CIP2A: variants seen among roughly 807,000 people sequenced by gnomAD.
The protein encoded by CIP2A is cellular inhibitor of PP2A.
CIP2A carries 103 observed loss-of-function variants against 110.9 expected under a neutral mutation model. The ratio of observed to expected loss-of-function variants is 0.93; its 90% CI spans 0.79 to 1.09. The LOEUF (loss-of-function observed/expected upper bound fraction) is 1.09. CIP2A is among the 50% of genes least tolerant of loss of function. The pLI, the probability that CIP2A is intolerant of heterozygous loss-of-function variation, is 0.00. For synonymous variants in CIP2A, 381 were observed against 361.6 expected (o/e 1.05, Z -0.61); for missense variants, 1,088 against 1,038.4 (o/e 1.05, Z -0.66).
Position 108,568,169 on chromosome 3 carries a change from A to G in CIP2A, c.1259T>C (p.Ile420Thr), listed in dbSNP as rs1330561841. Residue 420 changes from isoleucine (I) to threonine (T), a missense_variant, in exon 10 of 21, where the codon ATT (isoleucine) becomes ACT (threonine). By Grantham distance (89) the Ile-to-Thr change is moderately conservative. Coordinates refer to ENST00000295746, the MANE Select transcript of CIP2A (RefSeq NM_020890.3). ...GTAAAGGATATTTAACAAAACTTCA[A>G]TGGCCTTGGCAATCCTTTCACATTT... ...RKKCERIAKA[I>T]EVLLTLCGDD... 6 of 1,611,786 alleles carry G rather than the reference A, an allele frequency of 3.7e-6. No individual in the cohort carries two copies. The Admixed American group carries it at 6.7e-5, about 18-fold the overall frequency.
intron 8 of CIP2A, chr3:108,574,795 A>C (rs1184125963): frequency 6.5e-6 from 1 of 154,146 alleles, no homozygotes; most frequent in Non-Finnish European, 1.5e-5. Context: ...CCCCCAGGGC[A>C]CCGTGACCAG....
intron 17 of CIP2A, among the ~76,000 whole-genome samples, chr3:108,556,410 A>G (rs1652887465): frequency 6.6e-6 from 1 of 152,174 alleles, no homozygotes; most frequent in Non-Finnish European, 1.5e-5. Context: ...GCCTAAAAAG[A>G]TAAAAGAGTT....
intron 19 of CIP2A, among the ~76,000 whole-genome samples, chr3:108,553,040 G>GCAC (rs1183443680): frequency 6.7e-6 from 1 of 149,730 alleles, no homozygotes; most frequent in Admixed American, 6.7e-5. Flanking sequence ...TAACAGACCT[G>GCAC]CACACATGCC....
rs779212663 is a variant in CIP2A at position 108,560,053 on chromosome 3, T to C, written c.1828-25A>G. Reference sequence around the variant, plus strand: ...CCTACATTTTAAGAGTAAAAAAACTTAAAATTTTAATAAAATATTTTGACA... The same window carrying C: ...CCTACATTTTAAGAGTAAAAAAACTCAAAATTTTAATAAAATATTTTGACA... On this transcript the variant is annotated intron_variant, in intron 14 of 20. Transcript: ENST00000295746. 1.3e-4 allele frequency: 172 copies of C among 1,341,724 alleles called. No homozygotes were observed. In the Middle Eastern group the frequency reaches 1.3e-3, roughly 10 times the overall value. The allele number at this position is 1,341,724 out of a possible 1,614,324, so 83.1% of individuals were successfully genotyped here. A position where few individuals can be genotyped will look rare whatever the true frequency, so the allele number is the denominator to read the frequency against.
At chr3:108,573,430 A>G (rs1471485909) in intron 8 of CIP2A, among the ~76,000 whole-genome samples, 2 of 151,754 alleles carry the variant, frequency 1.3e-5, no homozygotes, top group African/African-American at 4.8e-5. Flanking sequence ...TACTTTAAAA[A>G]ATTAAGTTTT....
chr3:108,579,723 T>A, intron 5 of CIP2A, 35 bp from the exon 6 acceptor site: 1 of 1,368,632 alleles, frequency 7.3e-7, no homozygotes, highest in Non-Finnish European at 9.9e-7. Flanking sequence ...AAATTAGAAT[T>A]ATAAATTTTA....
At chr3:108,569,690 C>T (rs1241677913) in intron 8 of CIP2A, 83 bp from the exon 9 acceptor site, 4 of 1,010,948 alleles carry the variant, frequency 4.0e-6, no homozygotes, top group Admixed American at 2.4e-5. Flanking sequence ...GCTGAAAATG[C>T]TACATATTTT....
At chr3:108,575,799 CGT>C (rs1321491646) in intron 8 of CIP2A, among the ~76,000 whole-genome samples, 465 of 42,056 alleles carry the variant, frequency 0.011, 133 homozygotes, top group Non-Finnish European at 0.022. Flanking sequence ...TGTATATATA[CGT>C]GTATATATAC....
chr3:108,551,347 A>C, intron 20 of CIP2A, 28 bp from the exon 21 acceptor site: 1 of 1,515,326 alleles, frequency 6.6e-7, no homozygotes, highest in Non-Finnish European at 8.9e-7. Flanking sequence ...GGGGAGGAGG[A>C]AGAATTGAGA....
Position 108,569,463 on chromosome 3 carries a change from A to G in CIP2A, c.1039T>C (p.Trp347Arg). The stretch of plus-strand genomic sequence containing the variant: ...GATCCGTCCAAAGGTTGGCTTAACC[A>G]GCGCAGTAGAGCCACAGTAGGTTCT... ...CLEPTVALLR[W>R]LSQPLDGSEN... The change falls in exon 9 of 21, where the codon TGG (tryptophan) becomes CGG (arginine). Residue 347 changes from tryptophan (W) to arginine (R), a missense_variant. Transcript: ENST00000295746. The G allele has an allele frequency of 6.2e-7, 1 of 1,612,866 alleles. No homozygotes were observed. The highest frequency in any genetic ancestry group is 1.1e-5 in the South Asian group (1 of 91,054).
chr3:108,558,869 T>G (rs1937902142), intron 16 of CIP2A, among the ~76,000 whole-genome samples: 1 of 152,132 alleles, frequency 6.6e-6, no homozygotes, highest in African/African-American at 2.4e-5. Flanking sequence ...ATGAAAGATG[T>G]GGATTGAGGC....
chr3:108,570,903 A>G (rs1938382478), intron 8 of CIP2A, among the ~76,000 whole-genome samples: 1 of 152,188 alleles, frequency 6.6e-6, no homozygotes, highest in Non-Finnish European at 1.5e-5. Flanking sequence ...AGTAAGAGAA[A>G]CACACTGTAC....
intron 17 of CIP2A, 24 bp downstream of exon 17, chr3:108,557,194 C>A (rs1318507622): frequency 2.0e-6 from 3 of 1,472,240 alleles, no homozygotes; most frequent in Non-Finnish European, 2.8e-6. Flanking sequence ...TCTAACCTTA[C>A]ACAGAAGATT....
In CIP2A at chr3:108,563,238, G is replaced by A. The variant is rs754404518; in HGVS notation, c.1522C>T (p.Arg508Cys). The A allele has an allele frequency of 1.1e-5, 18 of 1,599,608 alleles. No individual in the cohort carries two copies. The highest frequency in any genetic ancestry group is 7.7e-5 in the South Asian group (7 of 90,670). Residue 508 changes from arginine to cysteine, a missense_variant, in exon 13 of 21, where the codon CGT becomes TGT. By Grantham distance (180) the Arg-to-Cys change is radical. Transcript: ENST00000295746. ...GCAAAAGCCAAAGGAGTAATCAAAC[G>A]TGGGTCCTAAATAAATCAGAAACCA... The part of the protein sequence containing the change: ...VSFYKILQDP[R>C]LITPLAFALT...
At chr3:108,555,217 G>GT (rs1372163310) in intron 17 of CIP2A, among the ~76,000 whole-genome samples, 1 of 152,094 alleles carries the variant, frequency 6.6e-6, no homozygotes, top group Non-Finnish European at 1.5e-5. Context: ...TAGAAACCAC[G>GT]TATTTTTCTT....
intron 5 of CIP2A, among the ~76,000 whole-genome samples, chr3:108,581,067 G>C (rs139868542): frequency 1.3e-5 from 2 of 152,336 alleles, no homozygotes; most frequent in East Asian, 1.9e-4. Flanking sequence ...ACACAAGACT[G>C]AGATAAATGG....
At chr3:108,580,670 C>T (rs113283382) in intron 5 of CIP2A, among the ~76,000 whole-genome samples, 2,281 of 151,838 alleles carry the variant, frequency 0.015, 71 homozygotes, top group African/African-American at 0.052. Flanking sequence ...TACTCTGTTG[C>T]CAGGCTGGAG....
chr3:108,575,904 A>G lies in CIP2A; in HGVS notation c.894+367T>C, dbSNP rs149819868. ...TATACATGTGTATGAGTATATATAC[A>G]TATATACATATACGTATATATACAT... On this transcript the variant is annotated intron_variant, in intron 8 of 20. Transcript: ENST00000295746. Among the ~76,000 whole-genome samples, 1,231 of 139,998 alleles carry G rather than the reference A, an allele frequency of 8.8e-3. 201 individuals carry two copies. Among genetic ancestry groups the G allele is most frequent in the African/African-American group, 0.033 (1,066 of 32,560 alleles). The allele number at this position is 139,998 out of a possible 152,430, so 91.8% of individuals were successfully genotyped here.
chr3:108,589,261 C>A lies in CIP2A; in HGVS notation c.102+13G>T. On this transcript the variant is annotated intron_variant, in intron 1 of 20. Transcript: ENST00000295746. ...GGGAAGCCCCATCTGTCCTCTACCC[C>A]AGAGCCTCTCACCTCCAAGTGCCGC... 1 of 1,605,558 alleles carries A rather than the reference C, an allele frequency of 6.2e-7. No homozygotes were observed.
Sources: gnomAD v4.1 joint callset for allele counts (sites outside exome capture counted in the v4.1 genomes callset) on GRCh38, gnomAD v4.1.1 for gene constraint, MANE v1.5 for transcripts, NCBI Gene and HGNC (gene_info 2026-07-23, HGNC 2026-07-21) for gene names.